Variants in DMD observed in about 807,000 individuals in gnomAD.
The protein encoded by DMD is mutant dystrophin.
A neutral mutation model predicts 330.1 loss-of-function variants in DMD; 63 were observed. The observed-to-expected ratio is 0.19, with a 90% CI of 0.16 to 0.24. The LOEUF (loss-of-function observed/expected upper bound fraction) is 0.24, where lower values mean the gene tolerates loss of function less well. Ranked by LOEUF, DMD falls within the 10% of genes least tolerant of loss-of-function variation. DMD has a pLI of 1.00. For synonymous variants in DMD, 1,223 were observed against 959.8 expected (o/e 1.27, Z -5.07); for missense variants, 3,344 against 2,684.1 (o/e 1.25, Z -5.43).
intron 37 of DMD, among the ~76,000 whole-genome samples, chrX:32,357,533 C>CT (rs768435873): frequency 9.7e-4 from 107 of 110,374 alleles, no homozygotes; most frequent in African/African-American, 3.1e-3. Context: ...ATAGCTATCC[C>CT]TTTTTTTGAG....
intron 1 of DMD, among the ~76,000 whole-genome samples, chrX:33,197,149 C>T (rs1217123889): frequency 1.8e-5 from 2 of 111,674 alleles, no homozygotes; most frequent in African/African-American, 6.5e-5. Flanking sequence ...TATTAATTTA[C>T]AAGACTTATC....
intron 2 of DMD, among the ~76,000 whole-genome samples, chrX:33,003,193 A>C (rs761575287): frequency 4.8e-4 from 53 of 110,658 alleles, no homozygotes; most frequent in African/African-American, 1.6e-3. Flanking sequence ...TATCATTCTT[A>C]TGCCTTTGCA....
chrX:32,474,888 T>C (rs928889618), intron 21 of DMD, among the ~76,000 whole-genome samples: 3 of 111,817 alleles, frequency 2.7e-5, no homozygotes, highest in Admixed American at 1.9e-4. Flanking sequence ...TCTTTGTTTT[T>C]ATTACATTTG....
At chrX:32,919,867 C>T (rs2088220673) in intron 2 of DMD, among the ~76,000 whole-genome samples, 1 of 111,373 alleles carries the variant, frequency 9.0e-6, no homozygotes, top group African/African-American at 3.3e-5. Flanking sequence ...GAAACTAAAT[C>T]CCCAAAACTA....
chrX:32,765,816 C>T (rs992752237), intron 7 of DMD, among the ~76,000 whole-genome samples: 1 of 111,935 alleles, frequency 8.9e-6, no homozygotes, highest in African/African-American at 3.2e-5. Flanking sequence ...CAAATGTCTA[C>T]GCTTTCTTCT....
intron 11 of DMD, among the ~76,000 whole-genome samples, chrX:32,616,708 T>TTC (rs1413292707): frequency 1.1e-5 from 1 of 87,079 alleles, no homozygotes; most frequent in Non-Finnish European, 2.0e-5. Flanking sequence ...TTTTTTTTTT[T>TTC]TTTTTTTCTT....
At chrX:33,266,617 C>T (rs5972799) in intron 1 of DMD, among the ~76,000 whole-genome samples, 5 of 110,040 alleles carry the variant, frequency 4.5e-5, no homozygotes, top group South Asian at 3.8e-4. Context: ...AGATGAGAGA[C>T]GAAGCATTTT....
chrX:31,502,902 G>A lies in DMD; in HGVS notation c.8390+4379C>T, dbSNP rs188682143. Among the ~76,000 whole-genome samples the A allele has an allele frequency of 8.1e-5, 9 of 111,748 alleles. No homozygotes were observed. In the Admixed American group the frequency reaches 8.6e-4, roughly 11 times the overall value. ...AATTACCATCTTAATATTGGATAAC[G>A]TCATCAGTAACTGTGTGTGTATGCA... On this transcript the variant is annotated intron_variant, in intron 56 of 78. Transcript: ENST00000357033.
intron 2 of DMD, among the ~76,000 whole-genome samples, chrX:32,958,467 T>C (rs967620871): frequency 1.8e-5 from 2 of 110,934 alleles, no homozygotes; most frequent in African/African-American, 6.5e-5. Flanking sequence ...CTAACACAAG[T>C]TCCTCCCATT....
In DMD at chrX:32,546,222, C is replaced by A. The variant is rs228375; in HGVS notation, c.1993-888G>T. Among the ~76,000 whole-genome samples, 186 of 104,338 alleles carry A rather than the reference C, an allele frequency of 1.8e-3. 1 individual carries two copies. Among genetic ancestry groups the A allele is most frequent in the African/African-American group, 6.3e-3 (180 of 28,725 alleles). 90.6% of individuals were successfully genotyped at this position (104,338 alleles called of 115,157 possible). A position where few individuals can be genotyped will look rare whatever the true frequency, so the allele number is the denominator to read the frequency against. ...ATTCCTTATCATATTCTCCGTCTCA[C>A]AGAGCTCCTCTCATGACGATTGTAA... On this transcript the variant is annotated intron_variant, in intron 16 of 78. Coordinates refer to ENST00000357033, the MANE Select transcript of DMD (RefSeq NM_004006.3).
At chrX:32,834,811 T>C (rs940138341) in intron 4 of DMD, among the ~76,000 whole-genome samples, 7 of 111,635 alleles carry the variant, frequency 6.3e-5, no homozygotes, top group African/African-American at 2.3e-4. Flanking sequence ...GTCAGCGAAG[T>C]CTTGGTAATG....
chrX:32,864,688 G>C, intron 2 of DMD, among the ~76,000 whole-genome samples: 2 of 111,603 alleles, frequency 1.8e-5, no homozygotes, highest in Non-Finnish European at 1.9e-5. Flanking sequence ...CAGGACTCCA[G>C]TGTGCTCAGC....
intron 57 of DMD, among the ~76,000 whole-genome samples, chrX:31,490,288 C>T (rs1221657931): frequency 2.7e-5 from 3 of 112,267 alleles, no homozygotes; most frequent in Admixed American, 9.4e-5. Flanking sequence ...TCTGGCCGGG[C>T]GCGGTGGCTC....
chrX:32,415,281 G>A (rs1202155823), intron 29 of DMD, among the ~76,000 whole-genome samples: 2 of 112,084 alleles, frequency 1.8e-5, no homozygotes, highest in Non-Finnish European at 3.8e-5. Context: ...TCTATGAGCT[G>A]AAAGGAACAG....
At chrX:33,226,993 C>A (rs1394101700) in intron 1 of DMD, among the ~76,000 whole-genome samples, 1 of 109,274 alleles carries the variant, frequency 9.2e-6, no homozygotes. Context: ...GATACTGCAA[C>A]TAGATTATAT....
chrX:33,314,578 T>TG (rs1214212937), intron 1 of DMD, among the ~76,000 whole-genome samples: 2 of 99,881 alleles, frequency 2.0e-5, no homozygotes, highest in African/African-American at 3.7e-5. Context: ...TTGTTTTTTT[T>TG]TTTTTTTTTA....
intron 44 of DMD, among the ~76,000 whole-genome samples, chrX:32,155,059 T>TG (rs2096823906): frequency 9.6e-6 from 1 of 103,843 alleles, no homozygotes; most frequent in Non-Finnish European, 1.9e-5. Context: ...GCCCTTGCTG[T>TG]GTTTTTTTTT....
chrX:31,489,863 C>G (rs1263027281), intron 57 of DMD, among the ~76,000 whole-genome samples: 1 of 111,961 alleles, frequency 8.9e-6, no homozygotes, highest in Non-Finnish European at 1.9e-5. Flanking sequence ...GAGTATTTGT[C>G]AGGACATCAA....
intron 47 of DMD, among the ~76,000 whole-genome samples, chrX:31,893,415 C>A (rs2094286332): frequency 9.0e-6 from 1 of 111,626 alleles, no homozygotes; most frequent in African/African-American, 3.2e-5. Flanking sequence ...AAACCAGAAC[C>A]CTACAGTTTT....
Sources: gnomAD v4.1 joint callset for allele counts (sites outside exome capture counted in the v4.1 genomes callset) on GRCh38, gnomAD v4.1.1 for gene constraint, MANE v1.5 for transcripts, NCBI Gene and HGNC (gene_info 2026-07-23, HGNC 2026-07-21) for gene names.